Variants in TLR8 observed in about 807,000 individuals in gnomAD.
TLR8 encodes the protein toll-like receptor 8.
A neutral mutation model predicts 18.5 loss-of-function variants in TLR8; 5 were observed. The ratio of observed to expected loss-of-function variants is 0.27; its 90% CI spans 0.14 to 0.57. TLR8 has a LOEUF of 0.57. Among genes scored for constraint, TLR8 ranks in the 20% least tolerant of loss-of-function variants. TLR8 has a pLI of 0.92. For missense variants in TLR8, 543 were observed against 769.8 expected, an observed-to-expected ratio of 0.71 and a Z score of 3.49; for synonymous variants, 299 against 300.1, an observed-to-expected ratio of 1.00 and a Z score of 0.04.
chrX:12,915,937 A>C (rs2043052206), intron 1 of TLR8, among the ~76,000 whole-genome samples: 1 of 108,942 alleles, frequency 9.2e-6, no homozygotes, highest in Non-Finnish European at 1.9e-5. Flanking sequence ...GCTGGAGTGC[A>C]ATGGTGTGAT....
intron 1 of TLR8, among the ~76,000 whole-genome samples, chrX:12,917,890 G>A (rs757194122): frequency 1.8e-5 from 2 of 112,217 alleles, no homozygotes; most frequent in East Asian, 2.8e-4. Flanking sequence ...GTTCAGGCAC[G>A]AGGATTTCAA....
chrX:12,918,558 G>A (rs1331953981), intron 1 of TLR8, among the ~76,000 whole-genome samples: 1 of 110,820 alleles, frequency 9.0e-6, no homozygotes, highest in Non-Finnish European at 1.9e-5. Flanking sequence ...TTTTGAGACA[G>A]GGTCTCACTC....
In TLR8 at chrX:12,922,555, A is replaced by T. The variant is rs1452853985; in HGVS notation, c.*389A>T. 3.8e-5 allele frequency: 5 copies of T among 132,952 alleles called. No individual in the cohort carries two copies. The highest frequency in any genetic ancestry group is 7.4e-5 in the Non-Finnish European group (5 of 67,126). The allele number at this position is 132,952 out of a possible 1,213,427, so 11.0% of individuals were successfully genotyped here. Reference sequence around the variant, plus strand: ...GAGGTTGCTAGCAAGATGAAGTCACAATCTTTTGTAATCGAATCAAAAAAG... The same window carrying T: ...GAGGTTGCTAGCAAGATGAAGTCACTATCTTTTGTAATCGAATCAAAAAAG... On this transcript the variant is annotated 3_prime_UTR_variant, in exon 2 of 2. Coordinates refer to ENST00000218032, the MANE Select transcript of TLR8 (RefSeq NM_138636.5).
chrX:12,909,959 G>A (rs1485227764), intron 1 of TLR8, among the ~76,000 whole-genome samples: 1 of 112,040 alleles, frequency 8.9e-6, no homozygotes, highest in Non-Finnish European at 1.9e-5. Context: ...TGTATGTTAA[G>A]TCAGGACCCA....
rs778480757 is a variant in TLR8, at chrX:12,921,873, G to A, written c.2833G>A (p.Val945Ile). 8.3e-7 allele frequency: 1 copy of A among 1,211,651 alleles called. No individual in the cohort carries two copies. The highest frequency in any genetic ancestry group is 3.0e-5 in the East Asian group (1 of 33,848). ...CAACCAAAGCAAGAAAACAGTATTT[G>A]TTTTAACCAAAAAATATGCAAAAAG... ...SINQSKKTVF[V>I]LTKKYAKSWN... is the part of the protein sequence containing the mutation. The change falls in exon 2 of 2, where the codon GTT becomes ATT. Residue 945 changes from valine to isoleucine, a missense_variant. Val to Ile is a conservative substitution (Grantham distance 29, BLOSUM62 3). Around this residue, in one of 4 missense-constraint regions of TLR8, gnomAD observed 227 missense variants for 312.9 expected, o/e 0.73. Coordinates refer to ENST00000218032, the MANE Select transcript of TLR8 (RefSeq NM_138636.5).
chrX:12,916,661 G>A (rs766864900), intron 1 of TLR8, among the ~76,000 whole-genome samples: 29 of 111,758 alleles, frequency 2.6e-4, no homozygotes, highest in Non-Finnish European at 5.3e-4. Flanking sequence ...AGAACAAATC[G>A]CTCCCAAATG....
rs768317289 is a variant in TLR8, at chrX:12,920,492, A to G, written c.1452A>G (p.Lys484=). ...AGCCACAATGTGCTGCTTATGGAAA[A>G]GCCTTAGATTTAAGCCTCAACAGTA... ...LIKPQCAAYG[K]ALDLSLNSIF... is the part of the protein sequence containing the mutation. The change falls in exon 2 of 2, where the codon AAA becomes AAG. Residue 484 remains lysine (K), a synonymous_variant. Coordinates refer to ENST00000218032, the MANE Select transcript of TLR8 (RefSeq NM_138636.5). 5 of 1,210,690 alleles carry G rather than the reference A, an allele frequency of 4.1e-6. No homozygotes were observed. The East Asian group carries it at 1.5e-4, about 36-fold the overall frequency.
intron 1 of TLR8, among the ~76,000 whole-genome samples, chrX:12,908,601 T>C (rs2043000748): frequency 8.9e-6 from 1 of 112,494 alleles, no homozygotes; most frequent in Non-Finnish European, 1.9e-5. Flanking sequence ...TTGGCATTTG[T>C]AGCTTTTAGA....
chrX:12,910,638 C>A (rs1040923040), intron 1 of TLR8, among the ~76,000 whole-genome samples: 1 of 112,272 alleles, frequency 8.9e-6, no homozygotes, highest in Non-Finnish European at 1.9e-5. Context: ...TTGCAACTCC[C>A]AGCGAATGAG....
At position 12,920,279 on chromosome X, in the gene TLR8, T is replaced by C. The variant is rs753796295; in HGVS notation, c.1239T>C (p.Leu413=). 8.3e-7 allele frequency: 1 copy of C among 1,206,387 alleles called. No homozygotes were observed. The highest frequency in any genetic ancestry group is 2.2e-5 in the Admixed American group (1 of 44,936). ...TTATTAAGCAAATCGATTTCAAACT[T>C]TTCCAAAATTTCTCCAATCTGGAAA... is the stretch of plus-strand genomic sequence containing the variant. The part of the protein sequence containing the change: ...INFIKQIDFK[L]FQNFSNLEII... Residue 413 remains leucine, a synonymous_variant, in exon 2 of 2, where the codon CTT becomes CTC. Transcript: ENST00000218032.
intron 1 of TLR8, chrX:12,910,207 C>A: frequency 2.5e-6 from 2 of 807,541 alleles, no homozygotes; most frequent in Non-Finnish European, 1.7e-6. Context: ...AGAACTATTT[C>A]CAGTCTGGCA....
Position 12,922,002 on chromosome X carries a change from C to T in TLR8, c.2962C>T (p.Gln988Ter). Residue 988 changes from glutamine (Q) to a stop codon, truncating the protein, a stop_gained, in exon 2 of 2, where the codon CAG (glutamine) becomes TAG (stop). Transcript: ENST00000218032. LOFTEE classifies it high-confidence loss of function. The part of the protein sequence containing the change: ...ILLEPVLQHS[Q>*]YLRLRQRICK... ...GCTGGAGCCAGTGTTACAGCATTCT[C>T]AGTATTTGAGGCTACGGCAGCGGAT... The T allele has an allele frequency of 2.5e-6, 3 of 1,211,752 alleles. No individual in the cohort carries two copies. The highest frequency in any genetic ancestry group is 3.4e-6 in the Non-Finnish European group (3 of 895,460).
At chrX:12,913,537 T>C (rs1448799627) in intron 1 of TLR8, among the ~76,000 whole-genome samples, 1 of 112,949 alleles carries the variant, frequency 8.9e-6, no homozygotes, top group African/African-American at 3.2e-5. Context: ...ATCCGTTTAA[T>C]TGCCACATGG....
intron 1 of TLR8, among the ~76,000 whole-genome samples, chrX:12,909,086 A>G (rs769348724): frequency 2.6e-4 from 29 of 111,450 alleles, no homozygotes; most frequent in Non-Finnish European, 4.7e-4. Context: ...GGGGAACGTC[A>G]TTCCAATGCA....
rs939815268 is a variant in TLR8, at chrX:12,906,632, C to T, written c.-75C>T. On this transcript the variant is annotated 5_prime_UTR_variant, in exon 1 of 2. Coordinates refer to ENST00000218032, the MANE Select transcript of TLR8 (RefSeq NM_138636.5). ...CAGGAAGTTAGCCAGTTTCTCTTCT[C>T]GGCCACCTCCTGCATAGAGGGTACC... is the stretch of plus-strand genomic sequence containing the variant. 4.2e-5 allele frequency: 40 copies of T among 947,784 alleles called. No homozygotes were observed. Among genetic ancestry groups the T allele is most frequent in the Middle Eastern group, 5.8e-4 (2 of 3,455 alleles). 78.1% of individuals were successfully genotyped at this position (947,784 alleles called of 1,213,427 possible).
At position 12,919,352 on chromosome X, in the gene TLR8, C is replaced by T. The variant is rs373184358; in HGVS notation, c.312C>T (p.Asn104=). 120 of 1,209,518 alleles carry T rather than the reference C, an allele frequency of 9.9e-5. No individual in the cohort carries two copies. Among genetic ancestry groups the T allele is most frequent in the Non-Finnish European group, 1.2e-4 (103 of 895,030 alleles). The change falls in exon 2 of 2, where the codon AAC becomes AAT. Residue 104 remains asparagine (N), a synonymous_variant. Coordinates refer to ENST00000218032, the MANE Select transcript of TLR8 (RefSeq NM_138636.5). The part of the protein sequence containing the change: ...LNHNPNVQHQ[N]GNPGIQSNGL... ...ACAACCCCAATGTACAGCACCAGAA[C>T]GGAAATCCCGGTATACAATCAAATG... is the stretch of plus-strand genomic sequence containing the variant.
Position 12,922,748 on chromosome X carries a change from G to A in TLR8, c.*582G>A, listed in dbSNP as rs182727588. 1 of 111,984 alleles carries A rather than the reference G, an allele frequency of 8.9e-6. No individual in the cohort carries two copies. Among genetic ancestry groups the A allele is most frequent in the Admixed American group, 9.5e-5 (1 of 10,524 alleles). The allele number at this position is 111,984 out of a possible 1,213,427, so 9.2% of individuals were successfully genotyped here. A position where few individuals can be genotyped will look rare whatever the true frequency, so the allele number is the denominator to read the frequency against. On this transcript the variant is annotated 3_prime_UTR_variant, in exon 2 of 2. Transcript: ENST00000218032. ...ACTATTTTCCCTTGACTGCTGTCCT[G>A]GGATGGCCTGCTATCTTGATGATAG...
At position 12,921,279 on chromosome X, in the gene TLR8, C is replaced by A. The variant is rs1293670888; in HGVS notation, c.2239C>A (p.Leu747Met). Residue 747 changes from leucine to methionine, a missense_variant, in exon 2 of 2, where the codon CTG becomes ATG. Coordinates refer to ENST00000218032, the MANE Select transcript of TLR8 (RefSeq NM_138636.5). ...SLKHLDLSSNLLKTINKSALE... is the reference protein window; with the variant it reads ...SLKHLDLSSNMLKTINKSALE... ...GAAGCACCTCGATTTAAGTTCCAAT[C>A]TGCTAAAAACAATCAACAAATCCGC... The A allele has an allele frequency of 8.3e-7, 1 of 1,211,632 alleles. No homozygotes were observed. Among genetic ancestry groups the A allele is most frequent in the Non-Finnish European group, 1.1e-6 (1 of 895,434 alleles).
At chrX:12,912,477 T>C (rs1377515806) in intron 1 of TLR8, among the ~76,000 whole-genome samples, 1 of 113,426 alleles carries the variant, frequency 8.8e-6, no homozygotes, top group East Asian at 2.8e-4. Context: ...AGCACTCCTA[T>C]GGACTTGAGC....
Sources: gnomAD v4.1 joint callset for allele counts (sites outside exome capture counted in the v4.1 genomes callset) on GRCh38, gnomAD v4.1.1 for gene constraint, gnomAD v4.1.1 regional missense constraint, MANE v1.5 for transcripts, NCBI Gene and HGNC (gene_info 2026-07-23, HGNC 2026-07-21) for gene names.